Variants in UCKL1 observed in about 807,000 individuals in gnomAD.
The protein encoded by UCKL1 is uridine-cytidine kinase 1 like 1.
Under a neutral mutation model 59.2 loss-of-function variants are expected in UCKL1, and 65 were observed. That is an observed-to-expected ratio of 1.10 (90% CI 0.90 to 1.35). The LOEUF (loss-of-function observed/expected upper bound fraction) is 1.35, where lower values mean the gene tolerates loss of function less well. Among genes scored for constraint, UCKL1 ranks in the 40% most tolerant of loss-of-function variants. The pLI, the probability that UCKL1 is intolerant of heterozygous loss-of-function variation, is 0.00. For missense variants in UCKL1, 703 were observed against 784.3 expected (o/e 0.90, Z 1.24); for synonymous variants, 410 against 323.1 (o/e 1.27, Z -2.88).
At chr20:63,941,354 G>T in intron 8 of UCKL1, 146 bp from the exon 9 acceptor site, 1 of 1,266,816 alleles carries the variant, frequency 7.9e-7, no homozygotes, top group Non-Finnish European at 1.1e-6. Context: ...TTCTGCCTGG[G>T]GCTGAGCTGG....
rs1426325777 is a variant in UCKL1, at chr20:63,956,104, G to A, written c.113+156C>T. 1.2e-5 allele frequency: 8 copies of A among 683,560 alleles called. No homozygotes were observed. In the Admixed American group the frequency reaches 1.3e-4, roughly 11 times the overall value. 42.3% of individuals were successfully genotyped at this position (683,560 alleles called of 1,614,324 possible). A position where few individuals can be genotyped will look rare whatever the true frequency, so the allele number is the denominator to read the frequency against. On this transcript the variant is annotated intron_variant, in intron 1 of 14. Coordinates refer to ENST00000354216, the MANE Select transcript of UCKL1 (RefSeq NM_017859.4). ...CCTCCCGGCCGCTTCAAGCCCGCGG[G>A]GTTCCACCCGGCACGTGGGAGAACG... is the stretch of plus-strand genomic sequence containing the variant.
At chr20:63,948,697 G>A (rs2057055499) in intron 1 of UCKL1, among the ~76,000 whole-genome samples, 1 of 116,348 alleles carries the variant, frequency 8.6e-6, no homozygotes, top group Admixed American at 8.6e-5. Context: ...GACCGAGGGG[G>A]CGTGTAAGGG....
intron 1 of UCKL1, among the ~76,000 whole-genome samples, chr20:63,952,919 G>A (rs191190648): frequency 2.0e-5 from 3 of 152,346 alleles, no homozygotes; most frequent in Admixed American, 2.0e-4. Context: ...ATGCCTCATC[G>A]GTGATCAGGC....
chr20:63,943,995 T>G (rs1031884517), intron 7 of UCKL1, among the ~76,000 whole-genome samples: 11 of 152,054 alleles, frequency 7.2e-5, no homozygotes, highest in African/African-American at 2.7e-4. Context: ...GGACCTCTGG[T>G]GGGGGTGTCG....
At position 63,940,843 on chromosome 20, in the gene UCKL1, T is replaced by C. The variant is rs745808285; in HGVS notation, c.1130A>G (p.Gln377Arg). Reference sequence around the variant, plus strand: ...CGCATAGTCCTGCCCCTGCGGGGTCTGTACGACGCAGTCCTGTGGGGTGCA... The same window carrying C: ...CGCATAGTCCTGCCCCTGCGGGGTCCGTACGACGCAGTCCTGTGGGGTGCA... ...SFLPFQDCVV[Q>R]TPQGQDYAGK... The change falls in exon 11 of 15, where the codon CAG becomes CGG. Residue 377 changes from glutamine (Q) to arginine (R), a missense_variant. Transcript: ENST00000354216. The C allele has an allele frequency of 1.3e-6, 2 of 1,552,284 alleles. No homozygotes were observed. The highest frequency in any genetic ancestry group is 1.7e-6 in the Non-Finnish European group (2 of 1,148,802).
intron 1 of UCKL1, among the ~76,000 whole-genome samples, chr20:63,947,466 C>G (rs190953790): frequency 3.3e-5 from 5 of 152,198 alleles, no homozygotes; most frequent in Non-Finnish European, 7.3e-5. Context: ...CCAGGTTGTG[C>G]GCACACACCG....
chr20:63,954,838 C>T (rs1366828086), intron 1 of UCKL1: 8 of 152,274 alleles, frequency 5.3e-5, no homozygotes, highest in Non-Finnish European at 1.2e-4. Context: ...AGCCCACCGT[C>T]TGTGCACAGG....
At chr20:63,948,268 G>C (rs1030527314) in intron 1 of UCKL1, 1 of 152,190 alleles carries the variant, frequency 6.6e-6, no homozygotes, top group Non-Finnish European at 1.5e-5. Flanking sequence ...GTGCAGGGCA[G>C]AGCCCCCGGG....
intron 5 of UCKL1, among the ~76,000 whole-genome samples, chr20:63,944,941 C>T (rs2055747109): frequency 6.6e-6 from 1 of 152,162 alleles, no homozygotes; most frequent in South Asian, 2.1e-4. Flanking sequence ...CCCAGGGCAC[C>T]CTGGCAGGTG....
At chr20:63,948,209 G>C (rs1021332918) in intron 1 of UCKL1, 1 of 152,226 alleles carries the variant, frequency 6.6e-6, no homozygotes, top group Admixed American at 6.5e-5. Context: ...GGCCCTGCAG[G>C]TCATGGCCCA....
Position 63,940,499 on chromosome 20 carries a change from G to A in UCKL1, c.1303-14C>T, listed in dbSNP as rs748067311. ...CAGGTAGTGGAGCTGCGGGCAGCAGGGGTCAGGCTGCAGGTGGGGCTCCCT... is the reference window on the plus strand; with the variant it reads ...CAGGTAGTGGAGCTGCGGGCAGCAGAGGTCAGGCTGCAGGTGGGGCTCCCT... On this transcript the variant is annotated splice_polypyrimidine_tract_variant and intron_variant, in intron 12 of 14. Transcript: ENST00000354216. 1.9e-6 allele frequency: 3 copies of A among 1,608,528 alleles called. No individual in the cohort carries two copies. In the South Asian group the frequency reaches 3.3e-5, roughly 18 times the overall value.
chr20:63,948,780 T>G (rs1042933443), intron 1 of UCKL1, among the ~76,000 whole-genome samples: 15 of 151,482 alleles, frequency 9.9e-5, no homozygotes, highest in Admixed American at 7.2e-4. Context: ...CCACCAAGAT[T>G]TGGAACAGCA....
rs1346600124 is a variant in UCKL1, at chr20:63,940,975, T to C, written c.1091A>G (p.His364Arg). The stretch of plus-strand genomic sequence containing the variant: ...CTGAAAGGGCAGGAAGGAGAGCGCG[T>C]GCTCGATGAGCAGCCGCATCAGTCT... Reference protein sequence around the residue: ...SKRLMRLLIEHALSFLPFQDC... With the variant: ...SKRLMRLLIERALSFLPFQDC... Residue 364 changes from histidine to arginine, a missense_variant, in exon 10 of 15, where the codon CAC becomes CGC. Transcript: ENST00000354216. 2 of 1,528,198 alleles carry C rather than the reference T, an allele frequency of 1.3e-6. No individual in the cohort carries two copies. Among genetic ancestry groups the C allele is most frequent in the Non-Finnish European group, 1.8e-6 (2 of 1,135,916 alleles). The allele number at this position is 1,528,198 out of a possible 1,614,324, so 94.7% of individuals were successfully genotyped here.
chr20:63,940,069 G>GC lies in UCKL1; in HGVS notation c.1568-15_1568-14insG, dbSNP rs756870231. On this transcript the variant is annotated splice_polypyrimidine_tract_variant and intron_variant, in intron 14 of 14. Coordinates refer to ENST00000354216, the MANE Select transcript of UCKL1 (RefSeq NM_017859.4). ...CGCCAAAGTTCCCTGGAAAAAGGGG[G>GC]GGGGGGGTCCAGTGTGGTGGGGCCT... 3.5e-5 allele frequency: 57 copies of GC among 1,606,916 alleles called. No homozygotes were observed. The highest frequency in any genetic ancestry group is 4.6e-5 in the Non-Finnish European group (54 of 1,176,314).
intron 1 of UCKL1, 56 bp from the exon 2 acceptor site, chr20:63,946,699 C>T (rs534488656): frequency 6.4e-5 from 100 of 1,552,710 alleles, no homozygotes; most frequent in African/African-American, 1.1e-4. Context: ...CCCAGGTACC[C>T]GCTGGCATGG....
At chr20:63,950,642 C>T in intron 1 of UCKL1, 44 of 1,231,230 alleles carry the variant, frequency 3.6e-5, no homozygotes, top group Non-Finnish European at 4.7e-5. Context: ...CCGAGAGCAC[C>T]TGCCAGCCTG....
intron 1 of UCKL1, among the ~76,000 whole-genome samples, chr20:63,952,032 T>C (rs536912630): frequency 6.6e-6 from 1 of 152,250 alleles, no homozygotes; most frequent in East Asian, 1.9e-4. Flanking sequence ...TACTCCTCAA[T>C]AGTAGGCCAC....
In UCKL1 at chr20:63,946,616, G is replaced by A. The variant is rs745834197; in HGVS notation, c.141C>T (p.Leu47=). The change falls in exon 2 of 15, where the codon CTC becomes CTT. Residue 47 remains leucine (L), a synonymous_variant. Transcript: ENST00000354216. ...DRSNAESLDR[L]LPPVGTGRSP... ...AGCGCCCAGTGCCCACAGGTGGCAG[G>A]AGCCTGTCCAGGGACTCTGCATTGC... 3.7e-6 allele frequency: 6 copies of A among 1,609,976 alleles called. No homozygotes were observed. Among genetic ancestry groups the A allele is most frequent in the East Asian group, 4.5e-5 (2 of 44,890 alleles).
Position 63,944,742 on chromosome 20 carries a change from A to G in UCKL1, c.655-8T>C. ...GATCTTCATGTCCAGGAGCTGGTGG[A>G]GACAGCGGGCCAGTGAGTGGCCAGA... On this transcript the variant is annotated splice_region_variant and splice_polypyrimidine_tract_variant and intron_variant, in intron 5 of 14. Coordinates refer to ENST00000354216, the MANE Select transcript of UCKL1 (RefSeq NM_017859.4). 1 of 1,612,008 alleles carries G rather than the reference A, an allele frequency of 6.2e-7. No homozygotes were observed. Among genetic ancestry groups the G allele is most frequent in the African/African-American group, 1.3e-5 (1 of 75,072 alleles).
Sources: gnomAD v4.1 joint callset for allele counts (sites outside exome capture counted in the v4.1 genomes callset) on GRCh38, gnomAD v4.1.1 for gene constraint, MANE v1.5 for transcripts, NCBI Gene and HGNC (gene_info 2026-07-23, HGNC 2026-07-21) for gene names.